The following DNPH1 variants were observed in gnomAD, a reference collection of about 807,000 sequenced individuals.
DNPH1 encodes the protein 5-hydroxymethyl-dUMP N-hydrolase.
DNPH1 carries 18 observed loss-of-function variants against 15.7 expected under a neutral mutation model. The ratio of observed to expected loss-of-function variants is 1.15; its 90% CI spans 0.79 to 1.70. DNPH1 has a LOEUF of 1.70. Ranked by LOEUF, DNPH1 falls within the 40% of genes most tolerant of loss-of-function variation. The pLI is 0.00. For missense variants in DNPH1, 262 were observed against 255.2 expected (o/e 1.03, Z -0.18); for synonymous variants, 114 against 107.9 (o/e 1.06, Z -0.35).
chr6:43,226,501 T>C lies in DNPH1; in HGVS notation c.197-106A>G. The C allele has an allele frequency of 1.0e-6, 1 of 965,612 alleles. No individual in the cohort carries two copies. The highest frequency in any genetic ancestry group is 1.5e-6 in the Non-Finnish European group (1 of 667,854). 59.8% of individuals were successfully genotyped at this position (965,612 alleles called of 1,614,324 possible). Reference sequence around the variant, plus strand: ...CCCTGCTCAGGGAGGGTGGGAGCCTTGTGCCAGATGACCTGACCAAACATG... The same window carrying C: ...CCCTGCTCAGGGAGGGTGGGAGCCTCGTGCCAGATGACCTGACCAAACATG... On this transcript the variant is annotated intron_variant, in intron 1 of 3. Coordinates refer to ENST00000230431, the MANE Select transcript of DNPH1 (RefSeq NM_006443.3). The surrounding 1 kb of genome is among the most constrained non-coding windows in gnomAD (Gnocchi z 4.1).
Position 43,226,523 on chromosome 6 carries a change from C to G in DNPH1, c.197-128G>C. The stretch of plus-strand genomic sequence containing the variant: ...CCTTGTGCCAGATGACCTGACCAAA[C>G]ATGACAATCTCATCAAAGCAGCGAG... On this transcript the variant is annotated intron_variant, in intron 1 of 3. Transcript: ENST00000230431. This position sits in a 1 kb window ranked among gnomAD's most constrained non-coding sequence, Gnocchi z 4.1. 1.3e-6 allele frequency: 1 copy of G among 751,502 alleles called. No homozygotes were observed. The highest frequency in any genetic ancestry group is 2.8e-5 in the East Asian group (1 of 36,264). The allele number at this position is 751,502 out of a possible 1,614,324, so 46.6% of individuals were successfully genotyped here.
chr6:43,228,986 A>G, intron 1 of DNPH1: 1 of 315,944 alleles, frequency 3.2e-6, no homozygotes, highest in Non-Finnish European at 6.2e-6. Flanking sequence ...ACGCTCTGAA[A>G]GCAGCTGAAG....
intron 1 of DNPH1, among the ~76,000 whole-genome samples, chr6:43,227,517 C>T (rs1776760362): frequency 6.6e-6 from 1 of 152,128 alleles, no homozygotes; most frequent in Non-Finnish European, 1.5e-5. Flanking sequence ...TGGAGAGCCA[C>T]CAGGCAGTCT....
chr6:43,229,217 G>A (rs1651540100), intron 1 of DNPH1, 44 bp downstream of exon 1: 17 of 1,295,140 alleles, frequency 1.3e-5, no homozygotes, highest in Admixed American at 4.3e-5. Context: ...ACCCCAGCCA[G>A]GTCCGCGCCC....
chr6:43,226,718 G>C lies in DNPH1; in HGVS notation c.197-323C>G. 2.7e-6 allele frequency: 1 copy of C among 371,438 alleles called. No homozygotes were observed. 23.0% of individuals were successfully genotyped at this position (371,438 alleles called of 1,614,324 possible). ...AGGCATCCTAGGCCCAGAAGGTAGG[G>C]ATCTCGGGTCTTAGCTTGATTAAAT... On this transcript the variant is annotated intron_variant, in intron 1 of 3. Coordinates refer to ENST00000230431, the MANE Select transcript of DNPH1 (RefSeq NM_006443.3). The surrounding 1 kb of genome is among the most constrained non-coding windows in gnomAD (Gnocchi z 4.1).
In DNPH1 at chr6:43,226,184, CTT is replaced by C; in HGVS notation, c.266-43_266-42del. 1 of 1,610,476 alleles carries C rather than the reference CTT, an allele frequency of 6.2e-7. No homozygotes were observed. The highest frequency in any genetic ancestry group is 8.5e-7 in the Non-Finnish European group (1 of 1,179,212). ...AGAGGAAGCCTCAGCATTGGGGGCA[CTT>C]GAGGTTCATAAGGAAGACGACGGTG... On this transcript the variant is annotated intron_variant, in intron 2 of 3. Transcript: ENST00000230431. This position sits in a 1 kb window ranked among gnomAD's most constrained non-coding sequence, Gnocchi z 4.1.
chr6:43,226,412 C>A lies in DNPH1; in HGVS notation c.197-17G>T. On this transcript the variant is annotated splice_polypyrimidine_tract_variant and intron_variant, in intron 1 of 3. Coordinates refer to ENST00000230431, the MANE Select transcript of DNPH1 (RefSeq NM_006443.3). This position sits in a 1 kb window ranked among gnomAD's most constrained non-coding sequence, Gnocchi z 4.1. ...CCTCTTCCCCTGTGTTGAGGGAAAGCTGGTCAAGGACATGCCTCATGCTGG... is the reference window on the plus strand; with the variant it reads ...CCTCTTCCCCTGTGTTGAGGGAAAGATGGTCAAGGACATGCCTCATGCTGG... 6.2e-7 allele frequency: 1 copy of A among 1,607,764 alleles called. No individual in the cohort carries two copies. The highest frequency in any genetic ancestry group is 1.1e-5 in the South Asian group (1 of 90,300).
rs1289764088 is a variant in DNPH1, at chr6:43,225,856, T to C, written c.402A>G (p.Ala134=). The change falls in exon 4 of 4, where the codon GCA becomes GCG. Residue 134 remains alanine, a synonymous_variant. Transcript: ENST00000230431. ...ACACCTGGAACCGAGAGCCATCTGCTGCTCCCCGGATCATGGCCGAAAGCA... is the reference window on the plus strand; with the variant it reads ...ACACCTGGAACCGAGAGCCATCTGCCGCTCCCCGGATCATGGCCGAAAGCA... ...GRVLSAMIRG[A]ADGSRFQVWD... is the part of the protein sequence containing the mutation. 6.2e-7 allele frequency: 1 copy of C among 1,614,012 alleles called. No homozygotes were observed. The highest frequency in any genetic ancestry group is 8.5e-7 in the Non-Finnish European group (1 of 1,180,028).
At chr6:43,227,708 G>A (rs1476585450) in intron 1 of DNPH1, among the ~76,000 whole-genome samples, 1 of 151,904 alleles carries the variant, frequency 6.6e-6, no homozygotes, top group African/African-American at 2.4e-5. Flanking sequence ...ACCACTTAAG[G>A]TTTTCTGAGC....
Position 43,226,170 on chromosome 6 carries a change from C to T in DNPH1, c.266-27G>A. The T allele has an allele frequency of 6.2e-7, 1 of 1,611,906 alleles. No individual in the cohort carries two copies. Among genetic ancestry groups the T allele is most frequent in the Non-Finnish European group, 8.5e-7 (1 of 1,179,702 alleles). On this transcript the variant is annotated intron_variant, in intron 2 of 3. Transcript: ENST00000230431. This position sits in a 1 kb window ranked among gnomAD's most constrained non-coding sequence, Gnocchi z 4.1. ...TGGGAGGAAAGATGAGAGGAAGCCTCAGCATTGGGGGCACTTGAGGTTCAT... is the reference window on the plus strand; with the variant it reads ...TGGGAGGAAAGATGAGAGGAAGCCTTAGCATTGGGGGCACTTGAGGTTCAT...
At chr6:43,228,109 TAGAAAG>T (rs774255817) in intron 1 of DNPH1, among the ~76,000 whole-genome samples, 2 of 150,810 alleles carry the variant, frequency 1.3e-5, no homozygotes, top group African/African-American at 4.9e-5. Context: ...ACTAAATAAA[TAGAAAG>T]AGAAAGAAAA....
At position 43,226,802 on chromosome 6, in the gene DNPH1, C is replaced by T. The variant is rs550058177; in HGVS notation, c.197-407G>A. On this transcript the variant is annotated intron_variant, in intron 1 of 3. Coordinates refer to ENST00000230431, the MANE Select transcript of DNPH1 (RefSeq NM_006443.3). This position sits in a 1 kb window ranked among gnomAD's most constrained non-coding sequence, Gnocchi z 4.1. Reference sequence around the variant, plus strand: ...GCATCAGGGTAGGACCACTGGGGAGCTTGTTAGAAGTACAGATTCCAGGGC... The same window carrying T: ...GCATCAGGGTAGGACCACTGGGGAGTTTGTTAGAAGTACAGATTCCAGGGC... Among the ~76,000 whole-genome samples, 42 of 152,302 alleles carry T rather than the reference C, an allele frequency of 2.8e-4. No homozygotes were observed. Among genetic ancestry groups the T allele is most frequent in the African/African-American group, 9.9e-4 (41 of 41,564 alleles).
rs779283651 is a variant in DNPH1, at chr6:43,229,434, C to T, written c.23G>A (p.Gly8Glu). Residue 8 changes from glycine to glutamate, a missense_variant, in exon 1 of 4, where the codon GGG (glycine) becomes GAG (glutamate). Physicochemically the swap from Gly to Glu is moderately conservative, Grantham distance 98 (BLOSUM62 -2). Transcript: ENST00000230431. MAAAMVP[G>E]RSESWERGEP... ...CCCGCGCTCCCAGCTCTCGCTGCGC[C>T]CCGGCACCATGGCAGCAGCCATTCC... is the stretch of plus-strand genomic sequence containing the variant. 1.4e-5 allele frequency: 19 copies of T among 1,383,002 alleles called. No homozygotes were observed. In the African/African-American group the frequency reaches 1.5e-4, roughly 11 times the overall value. The allele number at this position is 1,383,002 out of a possible 1,614,324, so 85.7% of individuals were successfully genotyped here. A position where few individuals can be genotyped will look rare whatever the true frequency, so the allele number is the denominator to read the frequency against.
At position 43,226,545 on chromosome 6, in the gene DNPH1, C is replaced by A; in HGVS notation, c.197-150G>T. The A allele has an allele frequency of 3.0e-6, 2 of 657,594 alleles. No individual in the cohort carries two copies. Among genetic ancestry groups the A allele is most frequent in the Non-Finnish European group, 2.5e-6 (1 of 397,876 alleles). 40.7% of individuals were successfully genotyped at this position (657,594 alleles called of 1,614,324 possible). A position where few individuals can be genotyped will look rare whatever the true frequency, so the allele number is the denominator to read the frequency against. On this transcript the variant is annotated intron_variant, in intron 1 of 3. Coordinates refer to ENST00000230431, the MANE Select transcript of DNPH1 (RefSeq NM_006443.3). This position sits in a 1 kb window ranked among gnomAD's most constrained non-coding sequence, Gnocchi z 4.1. ...AAACATGACAATCTCATCAAAGCAGCGAGGAAATGGAATAGCCACAAAAAG... is the reference window on the plus strand; with the variant it reads ...AAACATGACAATCTCATCAAAGCAGAGAGGAAATGGAATAGCCACAAAAAG...
rs1269947546 is a variant in DNPH1 at position 43,226,582 on chromosome 6, C to T, written c.197-187G>A. On this transcript the variant is annotated intron_variant, in intron 1 of 3. Transcript: ENST00000230431. The surrounding 1 kb of genome is among the most constrained non-coding windows in gnomAD (Gnocchi z 4.1). Reference sequence around the variant, plus strand: ...ATAGCCACAAAAAGAAAAATTCAACCCTATGCAAGGTGGGACATGTGATTA... The same window carrying T: ...ATAGCCACAAAAAGAAAAATTCAACTCTATGCAAGGTGGGACATGTGATTA... 1 of 590,524 alleles carries T rather than the reference C, an allele frequency of 1.7e-6. No individual in the cohort carries two copies. Among genetic ancestry groups the T allele is most frequent in the African/African-American group, 1.9e-5 (1 of 53,464 alleles). The allele number at this position is 590,524 out of a possible 1,614,324, so 36.6% of individuals were successfully genotyped here. A position where few individuals can be genotyped will look rare whatever the true frequency, so the allele number is the denominator to read the frequency against.
Position 43,225,727 on chromosome 6 carries a change from ATT to A in DNPH1, c.*4_*5del, listed in dbSNP as rs1481449036. ...GAATAGAAGAATTTAAGAAAGTGAGATTAAGTCAAGTGGTTGGGTCAGGGGAG... is the reference window on the plus strand; with the variant it reads ...GAATAGAAGAATTTAAGAAAGTGAGAAAGTCAAGTGGTTGGGTCAGGGGAG... On this transcript the variant is annotated 3_prime_UTR_variant, in exon 4 of 4. Coordinates refer to ENST00000230431, the MANE Select transcript of DNPH1 (RefSeq NM_006443.3). The A allele has an allele frequency of 2.5e-6, 4 of 1,613,838 alleles. No homozygotes were observed. The East Asian group carries it at 8.9e-5, about 36-fold the overall frequency.
At position 43,229,065 on chromosome 6, in the gene DNPH1, T is replaced by TG. The variant is rs1463586290; in HGVS notation, c.196+195dup. On this transcript the variant is annotated intron_variant, in intron 1 of 3. Coordinates refer to ENST00000230431, the MANE Select transcript of DNPH1 (RefSeq NM_006443.3). The stretch of plus-strand genomic sequence containing the variant: ...GTCTGCCTTACACCCGCAGGCTTGC[T>TG]GGGACCCACGCAGCCCGAGCCCCGG... 5.6e-6 allele frequency: 3 copies of TG among 538,498 alleles called. No homozygotes were observed. In the East Asian group the frequency reaches 2.1e-4, roughly 37 times the overall value. 33.4% of individuals were successfully genotyped at this position (538,498 alleles called of 1,614,324 possible). A position where few individuals can be genotyped will look rare whatever the true frequency, so the allele number is the denominator to read the frequency against.
chr6:43,227,144 C>T (rs962423130), intron 1 of DNPH1, among the ~76,000 whole-genome samples: 4 of 151,272 alleles, frequency 2.6e-5, no homozygotes, highest in East Asian at 3.9e-4. Context: ...GGGCCAGGCG[C>T]GGTGGCTCAC....
chr6:43,227,174 TG>T (rs1166890751), intron 1 of DNPH1, among the ~76,000 whole-genome samples: 11 of 151,354 alleles, frequency 7.3e-5, no homozygotes, highest in South Asian at 6.3e-4. Context: ...CCCAGCACTT[TG>T]GGAGGCCAAG....
Sources: gnomAD v4.1 joint callset for allele counts (sites outside exome capture counted in the v4.1 genomes callset) on GRCh38, gnomAD v4.1.1 for gene constraint, Gnocchi (gnomAD v3.1) non-coding constraint, MANE v1.5 for transcripts, NCBI Gene and HGNC (gene_info 2026-07-23, HGNC 2026-07-21) for gene names.